CEP290: variants seen among roughly 807,000 people sequenced by gnomAD.
CEP290 encodes the protein centrosomal protein of 290 kDa.
A neutral mutation model predicts 344.9 loss-of-function variants in CEP290; 317 were observed. The ratio of observed to expected loss-of-function variants is 0.92; its 90% CI spans 0.84 to 1.01. The LOEUF (loss-of-function observed/expected upper bound fraction) is 1.01, where lower values mean the gene tolerates loss of function less well. Ranked by LOEUF, CEP290 falls within the 50% of genes least tolerant of loss-of-function variation. CEP290 has a pLI of 0.00. For missense variants in CEP290, 2,754 were observed against 2,761.4 expected (o/e 1.00, Z 0.06); for synonymous variants, 932 against 895.8 (o/e 1.04, Z -0.72).
intron 29 of CEP290, among the ~76,000 whole-genome samples, chr12:88,092,244 T>C (rs982070361): frequency 9.2e-5 from 14 of 152,196 alleles, no homozygotes; most frequent in Admixed American, 9.2e-4. Flanking sequence ...AGATGCCCGA[T>C]AAATGTAAAC....
At chr12:88,076,838 T>C (rs533284678) in intron 41 of CEP290, among the ~76,000 whole-genome samples, 34 of 152,184 alleles carry the variant, frequency 2.2e-4, no homozygotes, top group African/African-American at 7.9e-4. Context: ...TATCTTAAAA[T>C]GTCTATCTTT....
At chr12:88,137,361 T>C (rs2040405441) in intron 5 of CEP290, among the ~76,000 whole-genome samples, 1 of 152,226 alleles carries the variant, frequency 6.6e-6, no homozygotes, top group Admixed American at 6.5e-5. Context: ...TATAAATAGC[T>C]ACAAGTGGTT....
rs188519019 is a variant in CEP290 at position 88,114,296 on chromosome 12, A to T, written c.2052+124T>A. Reference sequence around the variant, plus strand: ...CAGCTCAAGAAAAACTACACTTTACATACAGGGAAACAATGATTCAAATGA... The same window carrying T: ...CAGCTCAAGAAAAACTACACTTTACTTACAGGGAAACAATGATTCAAATGA... On this transcript the variant is annotated intron_variant, in intron 20 of 53. Coordinates refer to ENST00000552810, the MANE Select transcript of CEP290 (RefSeq NM_025114.4). 35 of 734,792 alleles carry T rather than the reference A, an allele frequency of 4.8e-5. No homozygotes were observed. In the African/African-American group the frequency reaches 5.5e-4, roughly 12 times the overall value. The allele number at this position is 734,792 out of a possible 1,614,324, so 45.5% of individuals were successfully genotyped here. A position where few individuals can be genotyped will look rare whatever the true frequency, so the allele number is the denominator to read the frequency against.
In CEP290 at chr12:88,118,752, G is replaced by T; in HGVS notation, c.1523-9C>A. Reference sequence around the variant, plus strand: ...TGTCTTTGGTTCAAGGCCTACAATAGAAAGCAATATAATTAAAAACTTAAA... The same window carrying T: ...TGTCTTTGGTTCAAGGCCTACAATATAAAGCAATATAATTAAAAACTTAAA... On this transcript the variant is annotated splice_polypyrimidine_tract_variant and intron_variant, in intron 15 of 53. Coordinates refer to ENST00000552810, the MANE Select transcript of CEP290 (RefSeq NM_025114.4). The T allele has an allele frequency of 2.5e-6, 4 of 1,582,936 alleles. No individual in the cohort carries two copies. Among genetic ancestry groups the T allele is most frequent in the Non-Finnish European group, 3.4e-6 (4 of 1,161,084 alleles).
rs1565890837 is a variant in CEP290 at position 88,115,119 on chromosome 12, T to C, written c.1888A>G (p.Ile630Val). The change falls in exon 19 of 54, where the codon ATA (isoleucine) becomes GTA (valine). Residue 630 changes from isoleucine to valine, a missense_variant. Transcript: ENST00000552810. ...ERDLERSRTVIAKFQNKLKEL... is the reference protein window; with the variant it reads ...ERDLERSRTVVAKFQNKLKEL... ...TTACATTTATTCTGAAATTTGGCTA[T>C]CACTGTCCTACTCCTTTCTAAATCT... 2.7e-6 allele frequency: 4 copies of C among 1,471,474 alleles called. No homozygotes were observed. The South Asian group carries it at 3.8e-5, about 14-fold the overall frequency. 91.2% of individuals were successfully genotyped at this position (1,471,474 alleles called of 1,614,324 possible).
chr12:88,081,773 T>C (rs1167525793), intron 37 of CEP290, among the ~76,000 whole-genome samples: 3 of 152,102 alleles, frequency 2.0e-5, no homozygotes, highest in Admixed American at 2.0e-4. Context: ...AAATGTATTA[T>C]ATAAGGTATT....
intron 20 of CEP290, 32 bp from the exon 21 acceptor site, chr12:88,111,890 G>A (rs1399231991): frequency 3.1e-5 from 43 of 1,389,410 alleles, no homozygotes; most frequent in Non-Finnish European, 3.8e-5. Flanking sequence ...TTAGAAATGT[G>A]GAGAAAAACA....
intron 25 of CEP290, among the ~76,000 whole-genome samples, chr12:88,106,256 A>C (rs1292114876): frequency 6.6e-6 from 1 of 152,216 alleles, no homozygotes; most frequent in Non-Finnish European, 1.5e-5. Context: ...ACACACACAC[A>C]AAAGTTAGAT....
rs2035357988 is a variant in CEP290, at chr12:88,071,334, T to C, written c.5971A>G (p.Lys1991Glu). 6.2e-7 allele frequency: 1 copy of C among 1,608,412 alleles called. No homozygotes were observed. Among genetic ancestry groups the C allele is most frequent in the Non-Finnish European group, 8.5e-7 (1 of 1,176,178 alleles). Residue 1991 changes from lysine (K) to glutamate (E), a missense_variant, in exon 43 of 54, where the codon AAG becomes GAG. Coordinates refer to ENST00000552810, the MANE Select transcript of CEP290 (RefSeq NM_025114.4). ...TCATTTTCTAAGTCAAGATTTCTCT[T>C]TTTTAATTCTTCCAATTCTTTTTCT... is the stretch of plus-strand genomic sequence containing the variant. Reference protein sequence around the residue: ...ESEKELEELKKRNLDLENDIL... With the variant: ...ESEKELEELKERNLDLENDIL...
chr12:88,052,549 A>G (rs1487779727), intron 52 of CEP290, among the ~76,000 whole-genome samples: 1 of 152,214 alleles, frequency 6.6e-6, no homozygotes, highest in Non-Finnish European at 1.5e-5. Context: ...TTCTCTATCC[A>G]TAGTAGTTTT....
chr12:88,064,355 C>T (rs1413982712), intron 44 of CEP290, among the ~76,000 whole-genome samples: 7 of 152,030 alleles, frequency 4.6e-5, no homozygotes, highest in South Asian at 4.1e-4. Flanking sequence ...TTAATAATGT[C>T]CATACATATA....
At chr12:88,055,850 G>C (rs1314336647) in intron 49 of CEP290, 133 bp from the exon 50 acceptor site, 4 of 659,132 alleles carry the variant, frequency 6.1e-6, no homozygotes, top group Non-Finnish European at 9.5e-6. Context: ...CAAAGTTTTA[G>C]CTACATATTT....
At chr12:88,140,019 G>T (rs147241561) in intron 3 of CEP290, among the ~76,000 whole-genome samples, 4 of 152,282 alleles carry the variant, frequency 2.6e-5, no homozygotes, top group African/African-American at 9.6e-5. Flanking sequence ...GCCTCCCAAA[G>T]TGCTGGGATT....
intron 18 of CEP290, 194 bp from the exon 19 acceptor site, chr12:88,115,376 C>T: frequency 1.3e-6 from 1 of 762,758 alleles, no homozygotes. Flanking sequence ...CTTAATCCCA[C>T]TTTCTCCCTC....
chr12:88,100,654 A>G (rs1388685870), intron 26 of CEP290, among the ~76,000 whole-genome samples: 1 of 152,232 alleles, frequency 6.6e-6, no homozygotes, highest in African/African-American at 2.4e-5. Flanking sequence ...GAAGACAGAT[A>G]TGTAAACACA....
intron 5 of CEP290, 115 bp from the exon 6 acceptor site, chr12:88,136,901 G>A: frequency 4.4e-6 from 4 of 915,740 alleles, no homozygotes; most frequent in Non-Finnish European, 6.7e-6. Context: ...CTTCAGTGCA[G>A]ATATTTAAAA....
intron 44 of CEP290, among the ~76,000 whole-genome samples, chr12:88,067,712 AG>A (rs939165657): frequency 1.8e-4 from 27 of 152,200 alleles, no homozygotes; most frequent in African/African-American, 6.0e-4. Context: ...ATTTTCAAAA[AG>A]GGAGTTAAAA....
chr12:88,074,546 A>G (rs1281657842), intron 41 of CEP290, among the ~76,000 whole-genome samples: 1 of 152,194 alleles, frequency 6.6e-6, no homozygotes, highest in East Asian at 1.9e-4. Flanking sequence ...TTCCTGGCTT[A>G]TAACTCTCAT....
chr12:88,079,065 G>C, intron 39 of CEP290, 27 bp downstream of exon 39: 1 of 1,506,408 alleles, frequency 6.6e-7, no homozygotes. Flanking sequence ...CAGAAATTTT[G>C]TTACATTAAC....
Sources: gnomAD v4.1 joint callset for allele counts (sites outside exome capture counted in the v4.1 genomes callset) on GRCh38, gnomAD v4.1.1 for gene constraint, MANE v1.5 for transcripts, NCBI Gene and HGNC (gene_info 2026-07-23, HGNC 2026-07-21) for gene names.